GYPE: variants seen among roughly 807,000 people sequenced by gnomAD.
GYPE encodes the protein glycophorin-E.
In GYPE, 8 loss-of-function variants were observed where a neutral mutation model predicts 11.6. The observed-to-expected ratio is 0.69, with a 90% confidence interval of 0.41 to 1.25. The LOEUF (loss-of-function observed/expected upper bound fraction) is 1.25, where lower values mean the gene tolerates loss of function less well. GYPE is among the 50% of genes most tolerant of loss of function. The pLI is 0.01. For synonymous variants in GYPE, 28 were observed against 29.6 expected, an observed-to-expected ratio of 0.94 and a Z score of 0.18; for missense variants, 90 against 92.8, an observed-to-expected ratio of 0.97 and a Z score of 0.12.
intron 1 of GYPE, among the ~76,000 whole-genome samples, chr4:143,884,046 ACTCTG>A (rs1454881523): frequency 6.6e-6 from 1 of 151,390 alleles, no homozygotes; most frequent in Non-Finnish European, 1.5e-5. Context: ...CACCTGCAAG[ACTCTG>A]CATGGTCCAG....
At chr4:143,900,952 C>T (rs1366129307) in intron 1 of GYPE, among the ~76,000 whole-genome samples, 5 of 152,250 alleles carry the variant, frequency 3.3e-5, no homozygotes, top group Middle Eastern at 3.4e-3. Flanking sequence ...CGATTGTACA[C>T]TTTAAAATGG....
At chr4:143,892,279 T>G (rs1744437720) in intron 1 of GYPE, among the ~76,000 whole-genome samples, 1 of 152,156 alleles carries the variant, frequency 6.6e-6, no homozygotes, top group Non-Finnish European at 1.5e-5. Flanking sequence ...TTCATTAATT[T>G]TTTGAAGGGT....
At chr4:143,893,885 G>C (rs896446270) in intron 1 of GYPE, among the ~76,000 whole-genome samples, 1 of 152,052 alleles carries the variant, frequency 6.6e-6, no homozygotes. Context: ...AAGTTCTCCT[G>C]GATAATATCC....
rs190026068 is a variant in GYPE, at chr4:143,878,418, G to A, written c.137-1563C>T. On this transcript the variant is annotated intron_variant, in intron 2 of 3. Coordinates refer to ENST00000358615, the MANE Select transcript of GYPE (RefSeq NM_198682.3). Reference sequence around the variant, plus strand: ...CTGAAAATTCTGGGATTATAGGCATGAGCCACTGCCCCTGGCCCCCAAAAT... The same window carrying A: ...CTGAAAATTCTGGGATTATAGGCATAAGCCACTGCCCCTGGCCCCCAAAAT... 1.1e-3 allele frequency among the ~76,000 whole-genome samples: 171 copies of A among 152,284 alleles called. 1 individual carries two copies. Among genetic ancestry groups the A allele is most frequent in the African/African-American group, 3.8e-3 (157 of 41,556 alleles).
intron 2 of GYPE, among the ~76,000 whole-genome samples, chr4:143,877,076 C>T (rs552955816): frequency 3.2e-4 from 48 of 152,232 alleles, no homozygotes; most frequent in Admixed American, 2.5e-3. Context: ...TGTCCAAGGT[C>T]GCACAAATAG....
intron 1 of GYPE, among the ~76,000 whole-genome samples, chr4:143,904,552 G>C (rs1187023853): frequency 6.6e-6 from 1 of 152,058 alleles, no homozygotes; most frequent in Non-Finnish European, 1.5e-5. Context: ...GGGTATCTTA[G>C]AAAATGCTGA....
chr4:143,875,548 C>T (rs1743763105), intron 3 of GYPE: 2 of 1,550,734 alleles, frequency 1.3e-6, no homozygotes, highest in Non-Finnish European at 8.7e-7. Flanking sequence ...TCAGCCTCTG[C>T]TTGACCATGA....
chr4:143,883,846 AAAAT>A (rs1744150247), intron 1 of GYPE, among the ~76,000 whole-genome samples: 2 of 152,072 alleles, frequency 1.3e-5, no homozygotes, highest in African/African-American at 4.8e-5. Flanking sequence ...CAAAAAGTAA[AAAAT>A]AAAAATACAC....
At chr4:143,896,349 A>T (rs967290692) in intron 1 of GYPE, among the ~76,000 whole-genome samples, 59 of 152,334 alleles carry the variant, frequency 3.9e-4, no homozygotes, top group African/African-American at 1.4e-3. Flanking sequence ...TGGGCAAAGG[A>T]TATGAACAGA....
chr4:143,893,294 C>G (rs1432313075), intron 1 of GYPE, among the ~76,000 whole-genome samples: 1 of 138,040 alleles, frequency 7.2e-6, no homozygotes, highest in East Asian at 2.1e-4. Flanking sequence ...TTAATTGGAG[C>G]ATTTAGTCCA....
Position 143,880,437 on chromosome 4 carries a change from T to G in GYPE, c.110A>C (p.Lys37Thr). 2 of 1,614,008 alleles carry G rather than the reference T, an allele frequency of 1.2e-6. No homozygotes were observed. The highest frequency in any genetic ancestry group is 1.7e-6 in the Non-Finnish European group (2 of 1,179,862). The part of the protein sequence containing the change: ...MHTSTSSSVT[K>T]SYISSQTNGI... ...ATTTGTCTGTGATGAGATGTAACTC[T>G]TTGTGACTGAAGAAGAGGTTGAAGT... The change falls in exon 2 of 4, where the codon AAG (lysine) becomes ACG (threonine). Residue 37 changes from lysine (K) to threonine (T), a missense_variant. Transcript: ENST00000358615.
At chr4:143,898,244 G>T (rs1744735928) in intron 1 of GYPE, among the ~76,000 whole-genome samples, 1 of 152,150 alleles carries the variant, frequency 6.6e-6, no homozygotes, top group African/African-American at 2.4e-5. Context: ...GGGCGTGGTG[G>T]TGTGCGCCTG....
intron 3 of GYPE, among the ~76,000 whole-genome samples, chr4:143,875,079 G>A (rs139098060): frequency 0.06 from 9,158 of 152,130 alleles, 391 homozygotes; most frequent in Non-Finnish European, 0.096. Flanking sequence ...CAGCAGTCAG[G>A]CACCTTGGGT....
intron 1 of GYPE, among the ~76,000 whole-genome samples, chr4:143,900,387 T>G (rs1744815068): frequency 8.5e-6 from 1 of 118,018 alleles, no homozygotes; most frequent in African/African-American, 3.0e-5. Flanking sequence ...GTTGAGCAGT[T>G]CCTTAGTAAG....
intron 1 of GYPE, among the ~76,000 whole-genome samples, chr4:143,890,159 ACATAG>A (rs1361748152): frequency 1.3e-5 from 2 of 152,214 alleles, no homozygotes; most frequent in African/African-American, 4.8e-5. Flanking sequence ...TGTACCTCTA[ACATAG>A]CATTGTAGGG....
intron 1 of GYPE, among the ~76,000 whole-genome samples, chr4:143,902,082 CTG>C (rs1162311072): frequency 6.6e-6 from 1 of 152,028 alleles, no homozygotes; most frequent in Non-Finnish European, 1.5e-5. Context: ...CACAAGAAAA[CTG>C]AGGCCCACGG....
intron 1 of GYPE, among the ~76,000 whole-genome samples, chr4:143,890,844 C>T (rs563502833): frequency 3.6e-4 from 55 of 151,848 alleles, no homozygotes; most frequent in African/African-American, 1.2e-3. Flanking sequence ...TCCCTCAATT[C>T]GCATTTAATT....
intron 1 of GYPE, among the ~76,000 whole-genome samples, chr4:143,904,359 C>T (rs372572461): frequency 3.3e-5 from 5 of 152,016 alleles, no homozygotes; most frequent in Admixed American, 1.3e-4. Context: ...TTAATCTTTA[C>T]GCAATTATTA....
At chr4:143,895,722 A>C (rs1352511850) in intron 1 of GYPE, among the ~76,000 whole-genome samples, 1 of 146,338 alleles carries the variant, frequency 6.8e-6, no homozygotes, top group Non-Finnish European at 1.5e-5. Flanking sequence ...CAAAAGAACA[A>C]AGCTGGAGGC....
Sources: gnomAD v4.1 joint callset for allele counts (sites outside exome capture counted in the v4.1 genomes callset) on GRCh38, gnomAD v4.1.1 for gene constraint, MANE v1.5 for transcripts, NCBI Gene and HGNC (gene_info 2026-07-23, HGNC 2026-07-21) for gene names.